The following DNAH9 variants were observed in gnomAD, a reference collection of about 807,000 sequenced individuals.
The protein encoded by DNAH9 is DNAH9 variant protein.
A neutral mutation model predicts 471.6 loss-of-function variants in DNAH9; 345 were observed. The observed-to-expected ratio is 0.73, with a 90% CI of 0.67 to 0.80. The LOEUF (loss-of-function observed/expected upper bound fraction) is 0.80, where lower values mean the gene tolerates loss of function less well. Among genes scored for constraint, DNAH9 ranks in the 30% least tolerant of loss-of-function variants. DNAH9 has a pLI of 0.00. For synonymous variants in DNAH9, 2,093 were observed against 2,123.6 expected, an observed-to-expected ratio of 0.99 and a Z score of 0.40; for missense variants, 5,407 against 5,609.2, an observed-to-expected ratio of 0.96 and a Z score of 1.15.
chr17:11,836,508 T>C (rs770705375), intron 49 of DNAH9, among the ~76,000 whole-genome samples: 5 of 152,154 alleles, frequency 3.3e-5, no homozygotes, highest in Non-Finnish European at 5.9e-5. Context: ...TGTTATATCA[T>C]TGGGTAGGCC....
At chr17:11,945,451 C>A (rs937057053) in intron 67 of DNAH9, among the ~76,000 whole-genome samples, 3 of 151,024 alleles carry the variant, frequency 2.0e-5, no homozygotes, top group African/African-American at 7.3e-5. Context: ...GCAGGAGAAT[C>A]GCTTTAACCT....
intron 53 of DNAH9, among the ~76,000 whole-genome samples, chr17:11,878,054 G>A (rs1972570061): frequency 6.6e-6 from 1 of 152,038 alleles, no homozygotes; most frequent in Non-Finnish European, 1.5e-5. Flanking sequence ...ATTTTTATTT[G>A]CATCTTTAGT....
At chr17:11,773,955 C>A (rs1968319299) in intron 38 of DNAH9, among the ~76,000 whole-genome samples, 1 of 151,934 alleles carries the variant, frequency 6.6e-6, no homozygotes, top group Admixed American at 6.6e-5. Context: ...CATGGTGAAA[C>A]CCTGTCTCTA....
Position 11,598,620 on chromosome 17 carries a change from G to A in DNAH9, c.122G>A (p.Gly41Asp), listed in dbSNP as rs761471659. The stretch of plus-strand genomic sequence containing the variant: ...GCCATGAGCCTGCGGCCGGCTGCGG[G>A]CGCCTGGGAGCGTTGCGCGGGGAGT... Reference protein sequence around the residue: ...YVAMSLRPAAGAWERCAGSAE... With the variant: ...YVAMSLRPAADAWERCAGSAE... The change falls in exon 1 of 69, where the codon GGC becomes GAC. Residue 41 changes from glycine to aspartate, a missense_variant. Coordinates refer to ENST00000262442, the MANE Select transcript of DNAH9 (RefSeq NM_001372.4). 4 of 1,342,208 alleles carry A rather than the reference G, an allele frequency of 3.0e-6. No individual in the cohort carries two copies. The highest frequency in any genetic ancestry group is 3.1e-5 in the East Asian group (1 of 32,068). 83.1% of individuals were successfully genotyped at this position (1,342,208 alleles called of 1,614,324 possible).
At chr17:11,810,585 A>C (rs1355269874) in intron 45 of DNAH9, among the ~76,000 whole-genome samples, 1 of 152,214 alleles carries the variant, frequency 6.6e-6, no homozygotes, top group African/African-American at 2.4e-5. Flanking sequence ...CAAAACAGAC[A>C]GTAATCGTGG....
intron 50 of DNAH9, among the ~76,000 whole-genome samples, chr17:11,856,023 G>C (rs1971611645): frequency 6.6e-6 from 1 of 152,158 alleles, no homozygotes; most frequent in Non-Finnish European, 1.5e-5. Context: ...GGAGCAGCAG[G>C]AGCTGCCCCC....
chr17:11,647,390 A>T (rs574534450), intron 12 of DNAH9, among the ~76,000 whole-genome samples, 192 bp downstream of exon 12: 1 of 152,288 alleles, frequency 6.6e-6, no homozygotes, highest in South Asian at 2.1e-4. Context: ...CTCCTACCTC[A>T]GCCTCCCAGC....
At chr17:11,781,214 G>A in intron 39 of DNAH9, 40 bp downstream of exon 39, 1 of 1,597,216 alleles carries the variant, frequency 6.3e-7, no homozygotes, top group Non-Finnish European at 8.5e-7. Context: ...CAAGGGAGCA[G>A]AGCCTAAGGC....
Position 11,757,649 on chromosome 17 carries a change from T to C in DNAH9, c.6952T>C (p.Phe2318Leu). Residue 2318 changes from phenylalanine (F) to leucine (L), a missense_variant, in exon 35 of 69, where the codon TTC (phenylalanine) becomes CTC (leucine). Coordinates refer to ENST00000262442, the MANE Select transcript of DNAH9 (RefSeq NM_001372.4). Reference sequence around the variant, plus strand: ...AGAGAGAGCCAACTTAACCATTTTGTTCGACAAGTATCTTCCAACCTGCCT... The same window carrying C: ...AGAGAGAGCCAACTTAACCATTTTGCTCGACAAGTATCTTCCAACCTGCCT... The part of the protein sequence containing the change: ...QTERANLTIL[F>L]DKYLPTCLDT... 1 of 1,614,162 alleles carries C rather than the reference T, an allele frequency of 6.2e-7. No homozygotes were observed. Among genetic ancestry groups the C allele is most frequent in the East Asian group, 2.2e-5 (1 of 44,872 alleles).
intron 68 of DNAH9, among the ~76,000 whole-genome samples, chr17:11,963,434 C>CAA (rs199930347): frequency 1.6e-5 from 2 of 123,258 alleles, no homozygotes. Flanking sequence ...AACTCCGTCT[C>CAA]AAAAAAAAAA....
At chr17:11,756,447 C>T in intron 33 of DNAH9, 121 bp from the exon 34 acceptor site, 1 of 685,026 alleles carries the variant, frequency 1.5e-6, no homozygotes, top group Non-Finnish European at 2.6e-6. Flanking sequence ...ACAGCCAAAC[C>T]ATATAAAGGA....
intron 45 of DNAH9, among the ~76,000 whole-genome samples, chr17:11,811,843 C>T (rs1024929480): frequency 6.7e-6 from 1 of 150,112 alleles, no homozygotes; most frequent in Non-Finnish European, 1.5e-5. Context: ...GATGCAAGCG[C>T]GAGACTGAGA....
intron 2 of DNAH9, 27 bp downstream of exon 2, chr17:11,608,352 G>C: frequency 6.5e-7 from 1 of 1,546,024 alleles, no homozygotes; most frequent in Non-Finnish European, 8.8e-7. Context: ...TGGCCATATG[G>C]GCCTCTGAGA....
chr17:11,903,913 AAAAG>A (rs1306742966), intron 60 of DNAH9, among the ~76,000 whole-genome samples: 2 of 151,520 alleles, frequency 1.3e-5, no homozygotes, highest in Non-Finnish European at 2.9e-5. Flanking sequence ...TCCATTTTAA[AAAAG>A]AAAGAAGGAA....
chr17:11,823,698 G>C (rs991697158), intron 48 of DNAH9, among the ~76,000 whole-genome samples: 3 of 152,108 alleles, frequency 2.0e-5, no homozygotes, highest in African/African-American at 7.2e-5. Flanking sequence ...GTGGGAGGTC[G>C]AGGCTGGTGG....
rs899219646 is a variant in DNAH9 at position 11,623,242 on chromosome 17, G to A, written c.1350+3461G>A. Among the ~76,000 whole-genome samples, 2 of 152,034 alleles carry A rather than the reference G, an allele frequency of 1.3e-5. No individual in the cohort carries two copies. Among genetic ancestry groups the A allele is most frequent in the Non-Finnish European group, 2.9e-5 (2 of 68,014 alleles). ...ACCCAGCTTGGCCTCCCAAAGTGCT[G>A]GGATTACAGGTGTGAGCCACCGTGC... On this transcript the variant is annotated intron_variant, in intron 6 of 68. Transcript: ENST00000262442. This position sits in a 1 kb window ranked among gnomAD's most constrained non-coding sequence, Gnocchi z 4.1.
intron 6 of DNAH9, among the ~76,000 whole-genome samples, chr17:11,620,511 CA>C (rs11440277): frequency 1.7e-4 from 20 of 119,164 alleles, no homozygotes; most frequent in Non-Finnish European, 1.8e-4. Flanking sequence ...GACTCTGTCT[CA>C]AAAAAAAAAA....
At position 11,680,720 on chromosome 17, in the gene DNAH9, C is replaced by T; in HGVS notation, c.3577-3C>T. 1.9e-6 allele frequency: 3 copies of T among 1,613,706 alleles called. No individual in the cohort carries two copies. Among genetic ancestry groups the T allele is most frequent in the East Asian group, 2.2e-5 (1 of 44,868 alleles). ...TCTGACCACACTGAGGTTTCCTTTG[C>T]AGGAGCTGCCTGAGAAATGGAACAA... On this transcript the variant is annotated splice_polypyrimidine_tract_variant and splice_region_variant and intron_variant, in intron 18 of 68. Coordinates refer to ENST00000262442, the MANE Select transcript of DNAH9 (RefSeq NM_001372.4).
At chr17:11,732,600 A>G (rs914717440) in intron 28 of DNAH9, among the ~76,000 whole-genome samples, 3 of 152,098 alleles carry the variant, frequency 2.0e-5, no homozygotes, top group Non-Finnish European at 2.9e-5. Context: ...AGACTGGTCA[A>G]GCAAAGTCAC....
Sources: allele counts gnomAD v4.1 joint callset (sites outside exome capture counted in the v4.1 genomes callset), GRCh38; gene constraint gnomAD v4.1.1; non-coding constraint Gnocchi (gnomAD v3.1); transcripts MANE v1.5; gene names NCBI Gene and HGNC (gene_info 2026-07-23, HGNC 2026-07-21).